EARS2: variants seen among roughly 807,000 people sequenced by gnomAD.
The protein encoded by EARS2 is nondiscriminating glutamyl-tRNA synthetase EARS2, mitochondrial.
EARS2 carries 50 observed loss-of-function variants against 54.1 expected under a neutral mutation model. The ratio of observed to expected loss-of-function variants is 0.92; its 90% CI spans 0.74 to 1.17. The LOEUF (loss-of-function observed/expected upper bound fraction) is 1.17. Among genes scored for constraint, EARS2 ranks in the 50% most tolerant of loss-of-function variants. The pLI, the probability that EARS2 is intolerant of heterozygous loss-of-function variation, is 0.00. For missense variants in EARS2, 673 were observed against 675.0 expected (o/e 1.00, Z 0.03); for synonymous variants, 298 against 281.0 (o/e 1.06, Z -0.61).
intron 7 of EARS2, among the ~76,000 whole-genome samples, chr16:23,527,805 G>A (rs895902285): frequency 5.3e-5 from 8 of 152,070 alleles, no homozygotes; most frequent in African/African-American, 1.9e-4. Context: ...GGCCCGCCTG[G>A]GCCTCACAAA....
intron 7 of EARS2, among the ~76,000 whole-genome samples, chr16:23,526,284 G>A (rs553070828): frequency 6.6e-6 from 1 of 151,794 alleles, no homozygotes; most frequent in Admixed American, 6.5e-5. Flanking sequence ...AGCTAATTTT[G>A]TATTTTTAGT....
At chr16:23,548,140 G>A (rs911226071) in intron 2 of EARS2, among the ~76,000 whole-genome samples, 7 of 151,514 alleles carry the variant, frequency 4.6e-5, no homozygotes, top group South Asian at 4.2e-4. Context: ...AGGCTGAGGC[G>A]GGAGAATGGC....
intron 3 of EARS2, among the ~76,000 whole-genome samples, chr16:23,536,245 C>A (rs1479570664): frequency 6.6e-6 from 1 of 152,194 alleles, no homozygotes; most frequent in Non-Finnish European, 1.5e-5. Flanking sequence ...CAAAAGCGTT[C>A]TGAGACACAG....
At chr16:23,531,675 C>A (rs1597010920) in intron 5 of EARS2, among the ~76,000 whole-genome samples, 2 of 152,212 alleles carry the variant, frequency 1.3e-5, no homozygotes, top group African/African-American at 4.8e-5. Flanking sequence ...AGTAATAGCC[C>A]TAAAATATCT....
At chr16:23,557,362 C>T (rs377067442), upstream of EARS2, 16 of 1,538,410 alleles carry the variant, frequency 1.0e-5, no homozygotes, top group African/African-American at 2.0e-4. Context: ...GAATAGCACA[C>T]GTGGGCTTCT....
intron 1 of EARS2, chr16:23,556,981 C>T (rs1446011396): frequency 1.4e-6 from 1 of 735,524 alleles, no homozygotes; most frequent in South Asian, 1.5e-5. Flanking sequence ...AAAAAAAGAT[C>T]GAAAGAGATG....
chr16:23,532,596 A>C, intron 5 of EARS2, 61 bp downstream of exon 5: 4 of 1,261,384 alleles, frequency 3.2e-6, no homozygotes, highest in Non-Finnish European at 4.6e-6. Flanking sequence ...CCTCTGCTGT[A>C]GGGATCATCA....
chr16:23,552,715 T>G (rs1391210840), intron 1 of EARS2, among the ~76,000 whole-genome samples: 1 of 152,224 alleles, frequency 6.6e-6, no homozygotes, highest in Non-Finnish European at 1.5e-5. Context: ...GGTCTTGAAC[T>G]CCTGGCCTCA....
chr16:23,521,870 C>CA lies in EARS2; in HGVS notation c.*2500dup. On this transcript the variant is annotated 3_prime_UTR_variant, in exon 9 of 9. Coordinates refer to ENST00000449606, the MANE Select transcript of EARS2 (RefSeq NM_001083614.2). ...GATGCTCTGACAACACTCAGTAGAT[C>CA]AGAGTTAAGCTTGGACTCTGGATCG... The CA allele has an allele frequency of 2.2e-6, 1 of 455,988 alleles. No individual in the cohort carries two copies. Among genetic ancestry groups the CA allele is most frequent in the South Asian group, 1.5e-5 (1 of 64,562 alleles). The allele number at this position is 455,988 out of a possible 1,614,324, so 28.2% of individuals were successfully genotyped here.
At chr16:23,546,838 T>C (rs944893397) in intron 2 of EARS2, among the ~76,000 whole-genome samples, 1 of 152,372 alleles carries the variant, frequency 6.6e-6, no homozygotes, top group Middle Eastern at 3.4e-3. Context: ...ATTATAGGCG[T>C]GAGCCATGGC....
chr16:23,534,199 T>C (rs1016969956), intron 4 of EARS2, among the ~76,000 whole-genome samples: 2 of 152,238 alleles, frequency 1.3e-5, no homozygotes, highest in African/African-American at 2.4e-5. Flanking sequence ...TTTGGCAAGT[T>C]ACTCAGCTTC....
At position 23,529,889 on chromosome 16, in the gene EARS2, A is replaced by G. The variant is rs1965295734; in HGVS notation, c.1076T>C (p.Leu359Pro). Residue 359 changes from leucine to proline, a missense_variant, in exon 6 of 9, where the codon CTC becomes CCC. Leu to Pro is a moderately conservative substitution (Grantham distance 98). Coordinates refer to ENST00000449606, the MANE Select transcript of EARS2 (RefSeq NM_001083614.2). ...GCTCTCATTGCTCACCAGCCGCTGGAGGTGCAGTCTGCGGAAGAAATCAAG... is the reference window on the plus strand; with the variant it reads ...GCTCTCATTGCTCACCAGCCGCTGGGGGTGCAGTCTGCGGAAGAAATCAAG... ...EKLPEFNRLH[L>P]QRLVSNESQR... 6.2e-7 allele frequency: 1 copy of G among 1,613,924 alleles called. No individual in the cohort carries two copies. Among genetic ancestry groups the G allele is most frequent in the South Asian group, 1.1e-5 (1 of 91,070 alleles).
At chr16:23,540,011 G>A (rs1056093463) in intron 3 of EARS2, among the ~76,000 whole-genome samples, 3 of 152,206 alleles carry the variant, frequency 2.0e-5, no homozygotes, top group Non-Finnish European at 2.9e-5. Context: ...AAAATTTGCC[G>A]GGCATGGCGG....
At position 23,523,616 on chromosome 16, in the gene EARS2, G is replaced by A. The variant is rs11647557; in HGVS notation, c.*755C>T. On this transcript the variant is annotated 3_prime_UTR_variant, in exon 9 of 9. Transcript: ENST00000449606. Reference sequence around the variant, plus strand: ...ATCCTTTGCTGCTCTGAGTCCTTGGGGCCTGAGAACTGGGACCCATGAGTC... The same window carrying A: ...ATCCTTTGCTGCTCTGAGTCCTTGGAGCCTGAGAACTGGGACCCATGAGTC... 1,688 of 152,310 alleles carry A rather than the reference G, an allele frequency of 0.011. 15 individuals carry two copies. The highest frequency in any genetic ancestry group is 0.027 in the South Asian group (129 of 4,818). The allele number at this position is 152,310 out of a possible 1,614,324, so 9.4% of individuals were successfully genotyped here. A position where few individuals can be genotyped will look rare whatever the true frequency, so the allele number is the denominator to read the frequency against.
At position 23,521,744 on chromosome 16, in the gene EARS2, C is replaced by G. The variant is rs1447907145; in HGVS notation, c.*2627G>C. On this transcript the variant is annotated 3_prime_UTR_variant, in exon 9 of 9. Coordinates refer to ENST00000449606, the MANE Select transcript of EARS2 (RefSeq NM_001083614.2). ...GAGGTTCATCCATGTTGTAGATATA[C>G]CAGAATCGACTTAGTATTTTGACCA... is the stretch of plus-strand genomic sequence containing the variant. 1.1e-5 allele frequency: 5 copies of G among 455,828 alleles called. No individual in the cohort carries two copies. The highest frequency in any genetic ancestry group is 2.2e-5 in the Non-Finnish European group (5 of 226,798). 28.2% of individuals were successfully genotyped at this position (455,828 alleles called of 1,614,324 possible).
intron 1 of EARS2, among the ~76,000 whole-genome samples, chr16:23,553,307 A>G (rs953652328): frequency 1.3e-5 from 2 of 152,110 alleles, no homozygotes; most frequent in African/African-American, 4.8e-5. Context: ...CCACCACTCT[A>G]TTTTGATATT....
Position 23,552,294 on chromosome 16 carries a change from G to A in EARS2, c.150C>T (p.His50=), listed in dbSNP as rs1399982598. 3.1e-6 allele frequency: 5 copies of A among 1,614,132 alleles called. No homozygotes were observed. Among genetic ancestry groups the A allele is most frequent in the Non-Finnish European group, 3.4e-6 (4 of 1,179,994 alleles). ...ACAAGGCAGTGCGGAGGCCACCCAGGTGCAAGAAGCCTGGAGAAGAGAACA... is the reference window on the plus strand; with the variant it reads ...ACAAGGCAGTGCGGAGGCCACCCAGATGCAAGAAGCCTGGAGAAGAGAACA... The part of the protein sequence containing the change: ...RFAPSPTGFL[H]LGGLRTALYN... The change falls in exon 2 of 9, where the codon CAC becomes CAT. Residue 50 remains histidine, a synonymous_variant. Coordinates refer to ENST00000449606, the MANE Select transcript of EARS2 (RefSeq NM_001083614.2).
intron 1 of EARS2, among the ~76,000 whole-genome samples, chr16:23,555,774 T>G (rs75526851): frequency 0.015 from 2,235 of 152,322 alleles, 23 homozygotes; most frequent in South Asian, 0.019. Flanking sequence ...CTGCAACCTC[T>G]TTCTCCTGGG....
chr16:23,520,810 A>G lies in EARS2; in HGVS notation c.*3561T>C, dbSNP rs984108656. Among the ~76,000 whole-genome samples, 2 of 152,088 alleles carry G rather than the reference A, an allele frequency of 1.3e-5. No individual in the cohort carries two copies. Among genetic ancestry groups the G allele is most frequent in the African/African-American group, 2.4e-5 (1 of 41,394 alleles). ...GCTTTTTTATTAATTTCTTGTTGAG[A>G]CAGAGTGTCGCTCTGTTCCCCAGGC... On this transcript the variant is annotated 3_prime_UTR_variant, in exon 9 of 9. Coordinates refer to ENST00000449606, the MANE Select transcript of EARS2 (RefSeq NM_001083614.2).
Sources: gnomAD v4.1 joint callset for allele counts (sites outside exome capture counted in the v4.1 genomes callset) on GRCh38, gnomAD v4.1.1 for gene constraint, MANE v1.5 for transcripts, NCBI Gene and HGNC (gene_info 2026-07-23, HGNC 2026-07-21) for gene names.